Variants in FAM91A1 observed in about 807,000 individuals in gnomAD.
FAM91A1 encodes the protein protein FAM91A1.
In FAM91A1, 41 loss-of-function variants were observed where a neutral mutation model predicts 113.5. That is an observed-to-expected ratio of 0.36 (90% confidence interval 0.28 to 0.47). FAM91A1 has a LOEUF of 0.47. Ranked by LOEUF, FAM91A1 falls within the 20% of genes least tolerant of loss-of-function variation. The pLI is 1.00. For synonymous variants in FAM91A1, 307 were observed against 347.9 expected (o/e 0.88, Z 1.31); for missense variants, 696 against 1,001.2 (o/e 0.70, Z 4.11).
Position 123,778,015 on chromosome 8 carries a change from T to C in FAM91A1, c.368-10T>C. ...TTAAATGTTTTTAAAGGAAAGACTC[T>C]TTTTTTCAGGTCTAAGGCTTCTTGG... On this transcript the variant is annotated splice_polypyrimidine_tract_variant and intron_variant, in intron 4 of 23. Coordinates refer to ENST00000334705, the MANE Select transcript of FAM91A1 (RefSeq NM_144963.4). 1 of 1,608,198 alleles carries C rather than the reference T, an allele frequency of 6.2e-7. No homozygotes were observed. Among genetic ancestry groups the C allele is most frequent in the South Asian group, 1.1e-5 (1 of 90,750 alleles).
At chr8:123,802,175 G>A (rs900347148) in intron 18 of FAM91A1, among the ~76,000 whole-genome samples, 5 of 152,126 alleles carry the variant, frequency 3.3e-5, no homozygotes, top group Non-Finnish European at 7.3e-5. Flanking sequence ...GGAGTGGGGA[G>A]ACACCTGAAG....
At chr8:123,812,460 A>G (rs1028219963) in intron 23 of FAM91A1, 59 bp from the exon 24 acceptor site, 2 of 1,420,242 alleles carry the variant, frequency 1.4e-6, no homozygotes, top group Non-Finnish European at 1.9e-6. Context: ...CTCATTAGTT[A>G]TATTAAGTGG....
chr8:123,797,877 G>C (rs1815569432), intron 15 of FAM91A1, among the ~76,000 whole-genome samples: 3 of 151,894 alleles, frequency 2.0e-5, no homozygotes, highest in African/African-American at 7.3e-5. Flanking sequence ...TGAAGTAGAT[G>C]ATTATCTGTC....
chr8:123,775,869 G>T (rs968661405), intron 3 of FAM91A1, among the ~76,000 whole-genome samples: 2 of 152,248 alleles, frequency 1.3e-5, no homozygotes, highest in Non-Finnish European at 2.9e-5. Context: ...GGAGGCTGAG[G>T]GGGGAGAATC....
Position 123,768,682 on chromosome 8 carries a change from G to C in FAM91A1, c.-21G>C, listed in dbSNP as rs1456681226. On this transcript the variant is annotated 5_prime_UTR_variant, in exon 1 of 24. Coordinates refer to ENST00000334705, the MANE Select transcript of FAM91A1 (RefSeq NM_144963.4). ...GTGGGTCGCGGTGGCGGCCCCGGCC[G>C]CCGGCCCTGGCCGCGGCATCATGAA... The C allele has an allele frequency of 1.3e-6, 2 of 1,523,386 alleles. No homozygotes were observed. Among genetic ancestry groups the C allele is most frequent in the Non-Finnish European group, 1.8e-6 (2 of 1,137,946 alleles). 94.4% of individuals were successfully genotyped at this position (1,523,386 alleles called of 1,614,324 possible). A position where few individuals can be genotyped will look rare whatever the true frequency, so the allele number is the denominator to read the frequency against.
At position 123,799,778 on chromosome 8, in the gene FAM91A1, G is replaced by C; in HGVS notation, c.1702G>C (p.Asp568His). Reference protein sequence around the residue: ...RKLPDIFQSYDRLLITSWGHD... With the variant: ...RKLPDIFQSYHRLLITSWGHD... ...GTTAATTTCTTTTCAATAGAGTTAT[G>C]ATCGATTGCTAATAACATCTTGGGG... Residue 568 changes from aspartate (D) to histidine (H), a missense_variant, in exon 18 of 24, where the codon GAT (aspartate) becomes CAT (histidine). Asp to His is a moderately conservative substitution (Grantham distance 81). Coordinates refer to ENST00000334705, the MANE Select transcript of FAM91A1 (RefSeq NM_144963.4). 6.2e-7 allele frequency: 1 copy of C among 1,607,842 alleles called. No individual in the cohort carries two copies. Among genetic ancestry groups the C allele is most frequent in the Non-Finnish European group, 8.5e-7 (1 of 1,176,870 alleles).
chr8:123,782,852 C>T (rs530846391), intron 8 of FAM91A1, among the ~76,000 whole-genome samples: 1 of 152,048 alleles, frequency 6.6e-6, no homozygotes, highest in Non-Finnish European at 1.5e-5. Context: ...TCTCATAGTG[C>T]CTTGGTTTCT....
At position 123,812,904 on chromosome 8, in the gene FAM91A1, C is replaced by CAA. The variant is rs1815993166; in HGVS notation, c.*201_*202insAA. 1 of 445,342 alleles carries CAA rather than the reference C, an allele frequency of 2.2e-6. No homozygotes were observed. Among genetic ancestry groups the CAA allele is most frequent in the Non-Finnish European group, 4.0e-6 (1 of 252,850 alleles). 27.6% of individuals were successfully genotyped at this position (445,342 alleles called of 1,614,324 possible). ...CTTATTGCGACAAAGTGCTTTTTAGCAGCCAGCACTGTATTTTTTACCTTG... is the reference window on the plus strand; with the variant it reads ...CTTATTGCGACAAAGTGCTTTTTAGCAAAGCCAGCACTGTATTTTTTACCTTG... On this transcript the variant is annotated 3_prime_UTR_variant, in exon 24 of 24. Coordinates refer to ENST00000334705, the MANE Select transcript of FAM91A1 (RefSeq NM_144963.4).
At chr8:123,771,312 A>G (rs1814831874) in intron 1 of FAM91A1, among the ~76,000 whole-genome samples, 2 of 152,188 alleles carry the variant, frequency 1.3e-5, no homozygotes, top group South Asian at 4.1e-4. Context: ...GAGCACCTAA[A>G]GCTCAGTCAG....
intron 22 of FAM91A1, among the ~76,000 whole-genome samples, chr8:123,809,589 G>A (rs1815900259): frequency 6.6e-6 from 1 of 152,222 alleles, no homozygotes; most frequent in Admixed American, 6.5e-5. Context: ...AACTGGGTTA[G>A]CAGGAAAGAG....
Position 123,789,860 on chromosome 8 carries a change from A to G in FAM91A1, c.1411+115A>G, listed in dbSNP as rs1815343156. The G allele has an allele frequency of 5.6e-6, 7 of 1,240,364 alleles. 1 individual carries two copies. The highest frequency in any genetic ancestry group is 2.6e-4 in the Middle Eastern group (1 of 3,898). 76.8% of individuals were successfully genotyped at this position (1,240,364 alleles called of 1,614,324 possible). ...CACTTACGTATTTTGTGTAGATAGC[A>G]TATTGAATTTATAACTAGAGGCCTG... On this transcript the variant is annotated intron_variant, in intron 15 of 23. Coordinates refer to ENST00000334705, the MANE Select transcript of FAM91A1 (RefSeq NM_144963.4).
At chr8:123,804,180 T>C (rs1473897290) in intron 18 of FAM91A1, among the ~76,000 whole-genome samples, 1 of 152,088 alleles carries the variant, frequency 6.6e-6, no homozygotes, top group East Asian at 1.9e-4. Context: ...GATTCAAAAA[T>C]AAAACGTTAT....
At position 123,787,678 on chromosome 8, in the gene FAM91A1, T is replaced by C. The variant is rs148424136; in HGVS notation, c.1206T>C (p.His402=). 1.4e-3 allele frequency: 2,253 copies of C among 1,612,158 alleles called. 27 individuals are homozygous for C. The African/African-American group carries it at 0.028, about 20-fold the overall frequency. The part of the protein sequence containing the change: ...MGNLSPNLKS[H]AVTMFEVGKL... ...CTTTTTTTCAGAACTTGAAAAGTCA[T>C]GCAGTCACAATGTTTGAAGTAGGCA... is the stretch of plus-strand genomic sequence containing the variant. Residue 402 remains histidine, a synonymous_variant, in exon 14 of 24, where the codon CAT becomes CAC. Coordinates refer to ENST00000334705, the MANE Select transcript of FAM91A1 (RefSeq NM_144963.4).
At chr8:123,792,560 T>C (rs1270617766) in intron 15 of FAM91A1, among the ~76,000 whole-genome samples, 1 of 152,230 alleles carries the variant, frequency 6.6e-6, no homozygotes, top group Admixed American at 6.5e-5. Context: ...TTTGGCATTC[T>C]AGTACTGTGG....
chr8:123,771,262 T>C (rs543179818), intron 1 of FAM91A1, among the ~76,000 whole-genome samples: 2 of 152,222 alleles, frequency 1.3e-5, no homozygotes, highest in African/African-American at 2.4e-5. Context: ...TTTTGTCCCA[T>C]GAGCACCTCT....
intron 23 of FAM91A1, chr8:123,811,315 G>A (rs1345748583): frequency 6.6e-6 from 1 of 152,184 alleles, no homozygotes; most frequent in African/African-American, 2.4e-5. Context: ...TTTACGTTGA[G>A]TGCAAAGAGA....
chr8:123,812,910 G>C lies in FAM91A1; in HGVS notation c.*206G>C, dbSNP rs1261106939. On this transcript the variant is annotated 3_prime_UTR_variant, in exon 24 of 24. Transcript: ENST00000334705. ...GCGACAAAGTGCTTTTTAGCAGCCAGCACTGTATTTTTTACCTTGAGACAA... is the reference window on the plus strand; with the variant it reads ...GCGACAAAGTGCTTTTTAGCAGCCACCACTGTATTTTTTACCTTGAGACAA... 1 of 427,478 alleles carries C rather than the reference G, an allele frequency of 2.3e-6. No homozygotes were observed. The highest frequency in any genetic ancestry group is 4.1e-6 in the Non-Finnish European group (1 of 242,078). 26.5% of individuals were successfully genotyped at this position (427,478 alleles called of 1,614,324 possible). A position where few individuals can be genotyped will look rare whatever the true frequency, so the allele number is the denominator to read the frequency against.
Position 123,810,466 on chromosome 8 carries a change from T to C in FAM91A1, c.2331+115T>C, listed in dbSNP as rs1339395450. On this transcript the variant is annotated intron_variant, in intron 23 of 23. Transcript: ENST00000334705. ...GCAAGATATGAAATAAACATTAATT[T>C]TATTGTACAAATGAAGACATTGAGA... is the stretch of plus-strand genomic sequence containing the variant. The C allele has an allele frequency of 1.1e-5, 11 of 1,001,110 alleles. No individual in the cohort carries two copies. In the East Asian group the frequency reaches 2.4e-4, roughly 22 times the overall value. 62.0% of individuals were successfully genotyped at this position (1,001,110 alleles called of 1,614,324 possible).
chr8:123,810,407 A>G (rs1178195962), intron 23 of FAM91A1, 56 bp downstream of exon 23: 1 of 1,457,800 alleles, frequency 6.9e-7, no homozygotes, highest in Non-Finnish European at 9.6e-7. Flanking sequence ...AGTATGCACA[A>G]CACTTCTGTG....
Sources: allele counts gnomAD v4.1 joint callset (sites outside exome capture counted in the v4.1 genomes callset), GRCh38; gene constraint gnomAD v4.1.1; transcripts MANE v1.5; gene names NCBI Gene and HGNC (gene_info 2026-07-23, HGNC 2026-07-21).